NSMAF: variants seen among roughly 807,000 people sequenced by gnomAD.
NSMAF encodes the protein neutral sphingomyelinase activation associated factor.
Under a neutral mutation model 134.9 loss-of-function variants are expected in NSMAF, and 90 were observed. That is an observed-to-expected ratio of 0.67 (90% CI 0.56 to 0.79). The LOEUF (loss-of-function observed/expected upper bound fraction) is 0.79, where lower values mean the gene tolerates loss of function less well. NSMAF is among the 30% of genes least tolerant of loss of function. NSMAF has a pLI of 0.00. For missense variants in NSMAF, 1,010 were observed against 1,119.0 expected, an observed-to-expected ratio of 0.90 and a Z score of 1.39; for synonymous variants, 358 against 389.6, an observed-to-expected ratio of 0.92 and a Z score of 0.96.
intron 1 of NSMAF, among the ~76,000 whole-genome samples, chr8:58,644,955 C>T (rs1418062067): frequency 6.6e-6 from 1 of 151,838 alleles, no homozygotes; most frequent in East Asian, 1.9e-4. Context: ...CACACGGGGA[C>T]CTGTTGGCGG....
In NSMAF at chr8:58,584,110, T is replaced by C; in HGVS notation, c.2750A>G (p.Tyr917Cys). The change falls in exon 31 of 31, where the codon TAT becomes TGT. Residue 917 changes from tyrosine (Y) to cysteine (C), a missense_variant. Physicochemically the swap from Tyr to Cys is radical, Grantham distance 194 (BLOSUM62 -2). Coordinates refer to ENST00000038176, the MANE Select transcript of NSMAF (RefSeq NM_003580.4). The stretch of plus-strand genomic sequence containing the variant: ...ATTCAGGAGAGGAAAAGGCACTTAA[T>C]ACTGCAATTTCCAGAATATAATTTG... The part of the protein sequence containing the change: ...DRQIIFWKLQ[Y>C] 1 of 1,609,620 alleles carries C rather than the reference T, an allele frequency of 6.2e-7. No homozygotes were observed. Among genetic ancestry groups the C allele is most frequent in the Non-Finnish European group, 8.5e-7 (1 of 1,175,964 alleles).
At chr8:58,655,957 C>G (rs911107406) in intron 1 of NSMAF, among the ~76,000 whole-genome samples, 2 of 152,080 alleles carry the variant, frequency 1.3e-5, no homozygotes, top group African/African-American at 4.8e-5. Flanking sequence ...CCCTCACCAA[C>G]ACCTGCACAG....
chr8:58,652,514 G>A (rs16923631), intron 1 of NSMAF, among the ~76,000 whole-genome samples: 7,378 of 152,278 alleles, frequency 0.048, 488 homozygotes, highest in East Asian at 0.23. Flanking sequence ...CACATGCTGA[G>A]CTGGGATGAG....
intron 9 of NSMAF, among the ~76,000 whole-genome samples, chr8:58,614,044 T>G (rs1806598555): frequency 1.3e-5 from 2 of 152,232 alleles, no homozygotes; most frequent in Admixed American, 1.3e-4. Context: ...AGTCTAAGTG[T>G]GTAGTCAGCT....
intron 9 of NSMAF, among the ~76,000 whole-genome samples, 182 bp downstream of exon 9, chr8:58,623,038 C>G (rs1175517408): frequency 1.3e-5 from 2 of 152,066 alleles, no homozygotes; most frequent in Non-Finnish European, 2.9e-5. Flanking sequence ...TGACAGACAT[C>G]AGGATGGAGA....
chr8:58,659,607 G>A lies in NSMAF; in HGVS notation c.25C>T (p.Gln9Ter), dbSNP rs367561666. 4 of 1,494,140 alleles carry A rather than the reference G, an allele frequency of 2.7e-6. No homozygotes were observed. The highest frequency in any genetic ancestry group is 1.8e-4 in the Middle Eastern group (1 of 5,428). The allele number at this position is 1,494,140 out of a possible 1,614,324, so 92.6% of individuals were successfully genotyped here. The change falls in exon 1 of 31, where the codon CAG (glutamine) becomes TAG (stop). Residue 9 changes from glutamine (Q) to a stop codon, truncating the protein, a stop_gained. Transcript: ENST00000038176. LOFTEE classifies it high-confidence loss of function. MAFIRKKQ[Q>*]EQQLQLYSKE... is the part of the protein sequence containing the mutation. The stretch of plus-strand genomic sequence containing the variant: ...GAGTAGAGCTGCAGCTGCTGCTCCT[G>A]CTGCTTCTTCCGGATAAACGCCATG...
intron 2 of NSMAF, chr8:58,639,825 T>A: frequency 4.5e-6 from 1 of 220,124 alleles, no homozygotes; most frequent in Non-Finnish European, 9.3e-6. Flanking sequence ...AAAAAGGAAA[T>A]CCTGCTACTT....
At chr8:58,630,626 T>C (rs565568016) in intron 6 of NSMAF, among the ~76,000 whole-genome samples, 2 of 152,212 alleles carry the variant, frequency 1.3e-5, no homozygotes, top group Non-Finnish European at 2.9e-5. Context: ...AGAGCTGTAA[T>C]ATAAGTGACA....
At chr8:58,610,016 C>T (rs924326804) in intron 9 of NSMAF, among the ~76,000 whole-genome samples, 3 of 152,128 alleles carry the variant, frequency 2.0e-5, no homozygotes, top group African/African-American at 4.8e-5. Context: ...CTCATTCCCC[C>T]CAAAATAAAT....
At chr8:58,622,594 T>C (rs1585747659) in intron 9 of NSMAF, among the ~76,000 whole-genome samples, 1 of 152,054 alleles carries the variant, frequency 6.6e-6, no homozygotes, top group Non-Finnish European at 1.5e-5. Flanking sequence ...AGGGTTTCAC[T>C]ATTTTGGCCA....
At chr8:58,619,818 A>T (rs897488712) in intron 9 of NSMAF, among the ~76,000 whole-genome samples, 6 of 152,232 alleles carry the variant, frequency 3.9e-5, no homozygotes, top group African/African-American at 1.4e-4. Flanking sequence ...CTGCAATTAC[A>T]ATCAAAATCC....
intron 18 of NSMAF, 80 bp from the exon 19 acceptor site, chr8:58,599,443 T>C: frequency 2.7e-6 from 4 of 1,463,700 alleles, no homozygotes; most frequent in Non-Finnish European, 1.9e-6. Context: ...TATATGTATA[T>C]AAAGCTTCTA....
At chr8:58,633,253 C>CA (rs1238699890) in intron 5 of NSMAF, among the ~76,000 whole-genome samples, 1 of 152,220 alleles carries the variant, frequency 6.6e-6, no homozygotes, top group African/African-American at 2.4e-5. Context: ...TCACGCACCC[C>CA]AGGAGCACTC....
chr8:58,603,481 C>T (rs1806334840), intron 12 of NSMAF, 95 bp from the exon 13 acceptor site: 23 of 1,137,148 alleles, frequency 2.0e-5, no homozygotes, highest in Non-Finnish European at 2.9e-5. Context: ...CCTGTGCATT[C>T]TTGAAAAATG....
chr8:58,639,997 C>T (rs1302316252), intron 2 of NSMAF: 2 of 443,192 alleles, frequency 4.5e-6, no homozygotes, highest in Non-Finnish European at 9.1e-6. Context: ...AAGCTCAGAG[C>T]TTTGTTCAGG....
At chr8:58,585,064 G>C (rs1805852735) in intron 30 of NSMAF, among the ~76,000 whole-genome samples, 1 of 152,182 alleles carries the variant, frequency 6.6e-6, no homozygotes, top group Admixed American at 6.5e-5. Context: ...TAAAAACCAA[G>C]TCCTCCAAAT....
At chr8:58,657,853 A>C (rs2129149351) in intron 1 of NSMAF, among the ~76,000 whole-genome samples, 1 of 152,342 alleles carries the variant, frequency 6.6e-6, no homozygotes, top group Non-Finnish European at 1.5e-5. Flanking sequence ...CAAGAGCTAG[A>C]GTTCTCTCTG....
chr8:58,607,705 A>G (rs1806438997), intron 11 of NSMAF, 64 bp downstream of exon 11: 2 of 1,298,712 alleles, frequency 1.5e-6, no homozygotes, highest in South Asian at 2.4e-5. Context: ...TTTACCGTCA[A>G]TAAACTGCTG....
intron 9 of NSMAF, among the ~76,000 whole-genome samples, chr8:58,610,835 T>C (rs7841618): frequency 0.13 from 19,762 of 152,116 alleles, 3,117 homozygotes; most frequent in African/African-American, 0.37. Context: ...CACAAAGATA[T>C]CTCTAGAATC....
Sources: gnomAD v4.1 joint callset for allele counts (sites outside exome capture counted in the v4.1 genomes callset) on GRCh38, gnomAD v4.1.1 for gene constraint, MANE v1.5 for transcripts, NCBI Gene and HGNC (gene_info 2026-07-23, HGNC 2026-07-21) for gene names.